Variants in LMO2 observed in about 807,000 individuals in gnomAD.
LMO2 encodes rhombotin-2.
Under a neutral mutation model 23.2 loss-of-function variants are expected in LMO2, and 20 were observed. That is an observed-to-expected ratio of 0.86 (90% CI 0.61 to 1.25). The LOEUF (loss-of-function observed/expected upper bound fraction) is 1.25. Among genes scored for constraint, LMO2 ranks in the 50% most tolerant of loss-of-function variants. The probability of loss-of-function intolerance (pLI) is 0.00; values close to 1 mark genes in which losing one functional copy is unlikely to be tolerated. For missense variants in LMO2, 270 were observed against 315.3 expected (o/e 0.86, Z 1.09); for synonymous variants, 123 against 130.2 (o/e 0.94, Z 0.38).
chr11:33,871,063 T>C (rs1857008382), intron 2 of LMO2: 1 of 984,564 alleles, frequency 1.0e-6, no homozygotes, highest in South Asian at 4.7e-5. Flanking sequence ...CATGGTTTTA[T>C]ATGATCAGTC....
chr11:33,870,357 G>T, intron 2 of LMO2: 2 of 985,140 alleles, frequency 2.0e-6, no homozygotes, highest in South Asian at 4.7e-5. Context: ...AAATGCAAGT[G>T]TTCCCAGTGG....
At chr11:33,871,116 CAG>C in intron 2 of LMO2, 2 of 957,216 alleles carry the variant, frequency 2.1e-6, no homozygotes, top group African/African-American at 1.8e-5. Flanking sequence ...TAAGGATAAC[CAG>C]AGTTTACTAC....
chr11:33,867,633 C>T (rs1215637106), intron 4 of LMO2, among the ~76,000 whole-genome samples: 1 of 152,142 alleles, frequency 6.6e-6, no homozygotes, highest in Non-Finnish European at 1.5e-5. Context: ...TCTCAACTGG[C>T]TTGTCCCTCT....
At chr11:33,872,119 C>T (rs1857039532) in intron 2 of LMO2, among the ~76,000 whole-genome samples, 1 of 152,120 alleles carries the variant, frequency 6.6e-6, no homozygotes, top group Non-Finnish European at 1.5e-5. Flanking sequence ...GGTGAAACCC[C>T]ATCTCTACTA....
chr11:33,862,156 G>C (rs1434179928), intron 5 of LMO2, among the ~76,000 whole-genome samples: 1 of 152,194 alleles, frequency 6.6e-6, no homozygotes, highest in Non-Finnish European at 1.5e-5. Flanking sequence ...GAGGCTGGAG[G>C]GAAGGGGAGG....
rs1447017198 is a variant in LMO2, at chr11:33,880,263, C to A, written c.-272+1561G>T. Among the ~76,000 whole-genome samples the A allele has an allele frequency of 2.3e-4, 33 of 140,456 alleles. No homozygotes were observed. Among genetic ancestry groups the A allele is most frequent in the African/African-American group, 8.5e-4 (31 of 36,586 alleles). 92.1% of individuals were successfully genotyped at this position (140,456 alleles called of 152,430 possible). On this transcript the variant is annotated intron_variant, in intron 2 of 5. Transcript: ENST00000257818. The surrounding 1 kb of genome is among the most constrained non-coding windows in gnomAD (Gnocchi z 4.3). ...TCATATATACACATGATATATATAT[C>A]ATACATACACATGATATATATCATA...
intron 2 of LMO2, among the ~76,000 whole-genome samples, chr11:33,878,292 T>G (rs1857185115): frequency 6.6e-6 from 1 of 152,208 alleles, no homozygotes; most frequent in African/African-American, 2.4e-5. Flanking sequence ...GCTTGTGCCA[T>G]TTCTGTGCAC....
intron 4 of LMO2, among the ~76,000 whole-genome samples, chr11:33,865,716 G>A (rs928400138): frequency 6.6e-6 from 1 of 152,216 alleles, no homozygotes; most frequent in Non-Finnish European, 1.5e-5. Context: ...TTGTTAATAG[G>A]CTGTGACACG....
At chr11:33,888,047 A>T (rs1363262470) in intron 1 of LMO2, among the ~76,000 whole-genome samples, 1 of 152,078 alleles carries the variant, frequency 6.6e-6, no homozygotes, top group Non-Finnish European at 1.5e-5. Context: ...GGGCAGGGGG[A>T]ATGACTGAGT....
chr11:33,863,362 C>T (rs1856653046), intron 5 of LMO2, among the ~76,000 whole-genome samples: 1 of 152,206 alleles, frequency 6.6e-6, no homozygotes, highest in Admixed American at 6.5e-5. Context: ...CTTCTTCTAA[C>T]AGTCTTTAGG....
Position 33,859,299 on chromosome 11 carries a change from G to T in LMO2, c.*57C>A. 1 of 1,319,454 alleles carries T rather than the reference G, an allele frequency of 7.6e-7. No individual in the cohort carries two copies. The highest frequency in any genetic ancestry group is 1.1e-6 in the Non-Finnish European group (1 of 920,960). The allele number at this position is 1,319,454 out of a possible 1,614,324, so 81.7% of individuals were successfully genotyped here. A position where few individuals can be genotyped will look rare whatever the true frequency, so the allele number is the denominator to read the frequency against. ...AGTGCCTAAGAGTGAAGACGAAGATGCCATGGAGACGGCGTCTTCAGTGAA... is the reference window on the plus strand; with the variant it reads ...AGTGCCTAAGAGTGAAGACGAAGATTCCATGGAGACGGCGTCTTCAGTGAA... On this transcript the variant is annotated 3_prime_UTR_variant, in exon 6 of 6. Coordinates refer to ENST00000257818, the MANE Select transcript of LMO2 (RefSeq NM_005574.4).
intron 2 of LMO2, chr11:33,870,595 C>T: frequency 1.0e-6 from 1 of 985,506 alleles, no homozygotes; most frequent in Non-Finnish European, 1.2e-6. Flanking sequence ...GGCAGCTAAT[C>T]CCAGAGGGAG....
chr11:33,886,508 TC>T (rs1857411302), intron 1 of LMO2, among the ~76,000 whole-genome samples: 1 of 152,080 alleles, frequency 6.6e-6, no homozygotes, highest in Non-Finnish European at 1.5e-5. Context: ...TGCCGAGGTG[TC>T]CCAGCGCTGA....
At chr11:33,866,641 T>C (rs956247570) in intron 4 of LMO2, among the ~76,000 whole-genome samples, 7 of 151,528 alleles carry the variant, frequency 4.6e-5, no homozygotes, top group African/African-American at 1.2e-4. Context: ...TTCAAAACTA[T>C]AGTTTTTTGT....
Position 33,887,833 on chromosome 11 carries a change from C to T in LMO2, c.-336+3962G>A, listed in dbSNP as rs562879101. Among the ~76,000 whole-genome samples the T allele has an allele frequency of 3.6e-4, 55 of 152,210 alleles. 1 individual carries two copies. The highest frequency in any genetic ancestry group is 1.2e-3 in the African/African-American group (51 of 41,520). Reference sequence around the variant, plus strand: ...AAGCCATCTGCCCGCCTTGGCCTCCCAAAGTGATGGGATTACAGGTGTGAG... The same window carrying T: ...AAGCCATCTGCCCGCCTTGGCCTCCTAAAGTGATGGGATTACAGGTGTGAG... On this transcript the variant is annotated intron_variant, in intron 1 of 5. Coordinates refer to ENST00000257818, the MANE Select transcript of LMO2 (RefSeq NM_005574.4).
chr11:33,871,519 G>A (rs1350236107), intron 2 of LMO2, among the ~76,000 whole-genome samples: 1 of 132,936 alleles, frequency 7.5e-6, no homozygotes. Flanking sequence ...AGTGAGCCAT[G>A]ATCGCACCAT....
At chr11:33,885,129 T>C (rs1285884302) in intron 1 of LMO2, among the ~76,000 whole-genome samples, 2 of 152,162 alleles carry the variant, frequency 1.3e-5, no homozygotes, top group Non-Finnish European at 2.9e-5. Flanking sequence ...AAGGGGGTTG[T>C]CAGACTTAGC....
chr11:33,859,344 G>T lies in LMO2; in HGVS notation c.*12C>A. 2 of 1,599,064 alleles carry T rather than the reference G, an allele frequency of 1.3e-6. No individual in the cohort carries two copies. Among genetic ancestry groups the T allele is most frequent in the Non-Finnish European group, 1.7e-6 (2 of 1,166,892 alleles). On this transcript the variant is annotated 3_prime_UTR_variant, in exon 6 of 6. Transcript: ENST00000257818. ...AGTGAACACCTCCCCAAAGATGCCCGGGGACTCGGGCCTATATCATCCCAT... is the reference window on the plus strand; with the variant it reads ...AGTGAACACCTCCCCAAAGATGCCCTGGGACTCGGGCCTATATCATCCCAT...
intron 1 of LMO2, among the ~76,000 whole-genome samples, chr11:33,884,307 A>G (rs983431008): frequency 6.6e-5 from 10 of 151,754 alleles, no homozygotes; most frequent in African/African-American, 2.4e-4. Context: ...GATCTGCTCC[A>G]TTGGGGGTCA....
Sources: allele counts gnomAD v4.1 joint callset (sites outside exome capture counted in the v4.1 genomes callset), GRCh38; gene constraint gnomAD v4.1.1; non-coding constraint Gnocchi (gnomAD v3.1); transcripts MANE v1.5; gene names NCBI Gene and HGNC (gene_info 2026-07-23, HGNC 2026-07-21).